The following TBC1D22A variants were observed in gnomAD, a reference collection of about 807,000 sequenced individuals.
TBC1D22A encodes the protein putative GTPase activator.
TBC1D22A carries 38 observed loss-of-function variants against 60.2 expected under a neutral mutation model. That is an observed-to-expected ratio of 0.63 (90% confidence interval 0.49 to 0.83). The LOEUF (loss-of-function observed/expected upper bound fraction) is 0.83. TBC1D22A is among the 40% of genes least tolerant of loss of function. The probability of loss-of-function intolerance (pLI) is 0.00; values close to 1 mark genes in which losing one functional copy is unlikely to be tolerated. For missense variants in TBC1D22A, 628 were observed against 701.0 expected (o/e 0.90, Z 1.18); for synonymous variants, 302 against 281.7 (o/e 1.07, Z -0.72).
intron 8 of TBC1D22A, among the ~76,000 whole-genome samples, chr22:46,921,780 CT>C (rs2070775400): frequency 6.6e-6 from 1 of 151,616 alleles, no homozygotes; most frequent in Admixed American, 6.6e-5. Context: ...TAATAATAGT[CT>C]TTCTGACTGG....
At chr22:47,017,522 A>G (rs1217214707) in intron 10 of TBC1D22A, among the ~76,000 whole-genome samples, 1 of 151,910 alleles carries the variant, frequency 6.6e-6, no homozygotes, top group East Asian at 1.9e-4. Flanking sequence ...GGGCACACCC[A>G]GCGGCTTCTG....
At chr22:46,847,954 T>TGTGTGTGTGC (rs1389221108) in intron 4 of TBC1D22A, among the ~76,000 whole-genome samples, 4 of 53,864 alleles carry the variant, frequency 7.4e-5, no homozygotes, top group African/African-American at 1.2e-4. Context: ...TGTGTGTGTG[T>TGTGTGTGTGC]GCGCGCGCGC....
At position 47,000,453 on chromosome 22, in the gene TBC1D22A, C is replaced by A. The variant is rs552113566; in HGVS notation, c.1201+2744C>A. On this transcript the variant is annotated intron_variant, in intron 10 of 12. Coordinates refer to ENST00000337137, the MANE Select transcript of TBC1D22A (RefSeq NM_014346.5). ...TAGTACTGTGACCCTTCTTTGTCAT[C>A]CCTAAACCTTTAGTAAAAGTCTGCC... Among the ~76,000 whole-genome samples the A allele has an allele frequency of 4.1e-4, 62 of 152,314 alleles. 1 individual carries two copies. Among genetic ancestry groups the A allele is most frequent in the African/African-American group, 1.3e-3 (53 of 41,564 alleles).
At chr22:46,866,381 AG>A (rs2067056720) in intron 4 of TBC1D22A, among the ~76,000 whole-genome samples, 1 of 152,214 alleles carries the variant, frequency 6.6e-6, no homozygotes, top group Non-Finnish European at 1.5e-5. Flanking sequence ...CTGGGATTAC[AG>A]GTGTGAGCCA....
chr22:46,806,358 T>TG (rs1471484484), intron 4 of TBC1D22A, among the ~76,000 whole-genome samples: 1 of 150,278 alleles, frequency 6.7e-6, no homozygotes, highest in African/African-American at 2.4e-5. Flanking sequence ...TTTTTTTTTT[T>TG]GCCCGGAAAT....
chr22:46,865,458 A>G (rs1227182058), intron 4 of TBC1D22A, among the ~76,000 whole-genome samples: 1 of 152,214 alleles, frequency 6.6e-6, no homozygotes, highest in Non-Finnish European at 1.5e-5. Flanking sequence ...CAAAAATCTA[A>G]AATCTGAAAT....
chr22:47,112,404 C>G (rs1223478718), intron 12 of TBC1D22A, among the ~76,000 whole-genome samples: 2 of 152,222 alleles, frequency 1.3e-5, no homozygotes, highest in African/African-American at 2.4e-5. Context: ...TCACCGCTCT[C>G]CCTTCTCGAG....
At chr22:46,972,283 A>G (rs1045600465) in intron 8 of TBC1D22A, among the ~76,000 whole-genome samples, 19 of 152,202 alleles carry the variant, frequency 1.2e-4, no homozygotes, top group African/African-American at 4.1e-4. Context: ...GAGCATCTTG[A>G]GGGCGTCAGG....
chr22:46,915,825 T>TC, intron 8 of TBC1D22A: 1 of 456,436 alleles, frequency 2.2e-6, no homozygotes, highest in South Asian at 1.5e-5. Context: ...AGGTGGGGAA[T>TC]CCTGGAGTGT....
At chr22:46,814,619 T>G (rs966523081) in intron 4 of TBC1D22A, among the ~76,000 whole-genome samples, 1 of 152,136 alleles carries the variant, frequency 6.6e-6, no homozygotes, top group Non-Finnish European at 1.5e-5. Context: ...GCAGTGTATC[T>G]AATTATATAT....
At chr22:46,869,360 A>G (rs78420500) in intron 4 of TBC1D22A, among the ~76,000 whole-genome samples, 269 of 152,220 alleles carry the variant, frequency 1.8e-3, no homozygotes, top group African/African-American at 6.2e-3. Flanking sequence ...TTCACTGGCT[A>G]GATTTCTTCT....
chr22:47,126,858 T>C (rs578176982), intron 12 of TBC1D22A, among the ~76,000 whole-genome samples: 31 of 152,300 alleles, frequency 2.0e-4, no homozygotes, highest in African/African-American at 7.2e-4. Flanking sequence ...CTGGAACATC[T>C]CTGAACTTCT....
intron 8 of TBC1D22A, among the ~76,000 whole-genome samples, chr22:46,946,208 C>T (rs1033482003): frequency 6.6e-6 from 1 of 152,232 alleles, no homozygotes; most frequent in Non-Finnish European, 1.5e-5. Flanking sequence ...CTGCTGGCCT[C>T]ATCCAGCCGG....
At chr22:47,093,182 C>T (rs80043085) in intron 11 of TBC1D22A, among the ~76,000 whole-genome samples, 3,705 of 152,206 alleles carry the variant, frequency 0.024, 55 homozygotes, top group Non-Finnish European at 0.035. Flanking sequence ...CGTGTGCAGG[C>T]GGTGCGGTAC....
intron 7 of TBC1D22A, among the ~76,000 whole-genome samples, chr22:46,908,497 A>G (rs1029049033): frequency 1.3e-5 from 2 of 152,144 alleles, no homozygotes; most frequent in Non-Finnish European, 1.5e-5. Flanking sequence ...GCTGTCCTTT[A>G]TTTACATGTC....
chr22:47,132,824 G>C (rs1413561396), intron 12 of TBC1D22A, among the ~76,000 whole-genome samples: 1 of 150,502 alleles, frequency 6.6e-6, no homozygotes, highest in Non-Finnish European at 1.5e-5. Flanking sequence ...AAACTCCCGA[G>C]TGTCCGCGGA....
At chr22:46,802,160 G>A (rs985929518) in intron 4 of TBC1D22A, among the ~76,000 whole-genome samples, 1 of 152,220 alleles carries the variant, frequency 6.6e-6, no homozygotes, top group Non-Finnish European at 1.5e-5. Flanking sequence ...TTTATGTAGA[G>A]TCACTCATCC....
chr22:46,934,827 T>C (rs1204046875), intron 8 of TBC1D22A, among the ~76,000 whole-genome samples: 2 of 152,210 alleles, frequency 1.3e-5, no homozygotes, highest in Non-Finnish European at 2.9e-5. Flanking sequence ...AAATATGGTC[T>C]GCCCACCCTT....
chr22:47,005,746 C>A (rs181718203), intron 10 of TBC1D22A, among the ~76,000 whole-genome samples: 138 of 150,986 alleles, frequency 9.1e-4, no homozygotes, highest in Non-Finnish European at 1.5e-3. Context: ...ATGTACACTC[C>A]CGTATACACA....
Sources: gnomAD v4.1 joint callset for allele counts (sites outside exome capture counted in the v4.1 genomes callset) on GRCh38, gnomAD v4.1.1 for gene constraint, MANE v1.5 for transcripts, NCBI Gene and HGNC (gene_info 2026-07-23, HGNC 2026-07-21) for gene names.